The following PRDM6 variants were observed in gnomAD, a reference collection of about 807,000 sequenced individuals.
The protein encoded by PRDM6 is putative histone-lysine N-methyltransferase PRDM6.
PRDM6 carries 25 observed loss-of-function variants against 60.8 expected under a neutral mutation model. The observed-to-expected ratio is 0.41, with a 90% CI of 0.30 to 0.57. The LOEUF is 0.57. PRDM6 is among the 20% of genes least tolerant of loss of function. PRDM6 has a pLI of 0.27. For missense variants in PRDM6, 839 were observed against 821.3 expected (o/e 1.02, Z -0.26); for synonymous variants, 407 against 357.4 (o/e 1.14, Z -1.57).
At chr5:123,159,352 AC>A in intron 4 of PRDM6, among the ~76,000 whole-genome samples, 161 bp from the exon 5 acceptor site, 1 of 152,250 alleles carries the variant, frequency 6.6e-6, no homozygotes, top group African/African-American at 2.4e-5. Context: ...TGAGTTACAG[AC>A]TCTAATTGGT....
intron 2 of PRDM6, among the ~76,000 whole-genome samples, chr5:123,096,650 T>C (rs1445605930): frequency 6.6e-6 from 1 of 152,228 alleles, no homozygotes; most frequent in African/African-American, 2.4e-5. Context: ...GTTGATTGAC[T>C]TTGTCTAGCC....
chr5:123,090,226 C>G lies in PRDM6; in HGVS notation c.212C>G (p.Pro71Arg), dbSNP rs1488920051. 18 of 1,474,236 alleles carry G rather than the reference C, an allele frequency of 1.2e-5. No individual in the cohort carries two copies. The East Asian group carries it at 5.5e-4, about 45-fold the overall frequency. 91.3% of individuals were successfully genotyped at this position (1,474,236 alleles called of 1,614,324 possible). ...RAEPPPDSLR[P>R]RPASLSSASS... Reference sequence around the variant, plus strand: ...GAGCCTCCGCCGGACAGCCTGCGCCCGCGGCCCGCCTCTCTCTCCTCCGCC... The same window carrying G: ...GAGCCTCCGCCGGACAGCCTGCGCCGGCGGCCCGCCTCTCTCTCCTCCGCC... Residue 71 changes from proline to arginine, a missense_variant, in exon 2 of 8, where the codon CCG becomes CGG. Coordinates refer to ENST00000407847, the MANE Select transcript of PRDM6 (RefSeq NM_001136239.4).
At chr5:123,134,399 A>G (rs1764904507) in intron 3 of PRDM6, among the ~76,000 whole-genome samples, 1 of 152,144 alleles carries the variant, frequency 6.6e-6, no homozygotes, top group African/African-American at 2.4e-5. Flanking sequence ...AAAACTGAGT[A>G]AAAACTGTAT....
intron 6 of PRDM6, among the ~76,000 whole-genome samples, chr5:123,177,053 C>T (rs1214371631): frequency 6.6e-6 from 1 of 152,302 alleles, no homozygotes; most frequent in South Asian, 2.1e-4. Flanking sequence ...AGTCTTAACT[C>T]CTGTGGCCAG....
Position 123,090,624 on chromosome 5 carries a change from G to C in PRDM6, c.592+18G>C. ...CAACAACCGTACGTAGCCGCAGCCC[G>C]CGCGCTCTCTCCCGGGGCGCCGGCG... On this transcript the variant is annotated intron_variant, in intron 2 of 7. Coordinates refer to ENST00000407847, the MANE Select transcript of PRDM6 (RefSeq NM_001136239.4). The C allele has an allele frequency of 6.8e-7, 1 of 1,469,250 alleles. No homozygotes were observed. The highest frequency in any genetic ancestry group is 9.0e-7 in the Non-Finnish European group (1 of 1,108,718). 91.0% of individuals were successfully genotyped at this position (1,469,250 alleles called of 1,614,324 possible). A position where few individuals can be genotyped will look rare whatever the true frequency, so the allele number is the denominator to read the frequency against.
chr5:123,125,269 T>TA (rs1764670651), intron 3 of PRDM6, among the ~76,000 whole-genome samples: 1 of 152,106 alleles, frequency 6.6e-6, no homozygotes, highest in African/African-American at 2.4e-5. Context: ...GCTGGGCTTA[T>TA]AGTACATTTT....
At chr5:123,178,483 A>G (rs968026397) in intron 6 of PRDM6, among the ~76,000 whole-genome samples, 1 of 152,238 alleles carries the variant, frequency 6.6e-6, no homozygotes, top group Non-Finnish European at 1.5e-5. Context: ...TCATCTACAT[A>G]TAATTTTAAT....
intron 3 of PRDM6, among the ~76,000 whole-genome samples, chr5:123,120,673 T>G (rs1328872278): frequency 3.3e-5 from 5 of 152,228 alleles, no homozygotes; most frequent in African/African-American, 1.2e-4. Flanking sequence ...GAATAGACTT[T>G]TAACTTTAAA....
chr5:123,133,204 C>T (rs921978685), intron 3 of PRDM6, among the ~76,000 whole-genome samples: 14 of 152,090 alleles, frequency 9.2e-5, no homozygotes, highest in African/African-American at 2.7e-4. Flanking sequence ...TCATAATCTC[C>T]TTTTCCATTT....
At chr5:123,159,707 T>A in intron 5 of PRDM6, 69 bp downstream of exon 5, 1 of 1,450,704 alleles carries the variant, frequency 6.9e-7, no homozygotes, top group Admixed American at 2.1e-5. Context: ...TTTTAAGAGC[T>A]TTTTTTGAAA....
chr5:123,139,361 T>C (rs1265540333), intron 3 of PRDM6, among the ~76,000 whole-genome samples: 1 of 152,196 alleles, frequency 6.6e-6, no homozygotes, highest in Non-Finnish European at 1.5e-5. Flanking sequence ...AAGTATACTA[T>C]AGAATCTCTT....
rs1462680134 is a variant in PRDM6, at chr5:123,189,647, G to A, written c.*2446G>A. On this transcript the variant is annotated 3_prime_UTR_variant, in exon 8 of 8. Coordinates refer to ENST00000407847, the MANE Select transcript of PRDM6 (RefSeq NM_001136239.4). The stretch of plus-strand genomic sequence containing the variant: ...CCTCTATTATTAAGAGAAATTGTTG[G>A]CATATATATTCCACCAAATTTGGTC... 1 of 152,104 alleles carries A rather than the reference G, an allele frequency of 6.6e-6. No individual in the cohort carries two copies. The highest frequency in any genetic ancestry group is 6.5e-5 in the Admixed American group (1 of 15,270). The allele number at this position is 152,104 out of a possible 1,614,324, so 9.4% of individuals were successfully genotyped here.
chr5:123,099,545 A>T lies in PRDM6; in HGVS notation c.593-109A>T. On this transcript the variant is annotated intron_variant, in intron 2 of 7. Transcript: ENST00000407847. The surrounding 1 kb of genome is among the most constrained non-coding windows in gnomAD (Gnocchi z 4.0). The stretch of plus-strand genomic sequence containing the variant: ...GCATCACCTTCCTCGAAGGTGGCTT[A>T]CCCAGGCGGGCGGTGATGCTGTTGT... 9.6e-7 allele frequency: 1 copy of T among 1,045,910 alleles called. No individual in the cohort carries two copies. The highest frequency in any genetic ancestry group is 1.3e-6 in the Non-Finnish European group (1 of 758,252). 64.8% of individuals were successfully genotyped at this position (1,045,910 alleles called of 1,614,324 possible).
chr5:123,124,032 A>G (rs1438710897), intron 3 of PRDM6, among the ~76,000 whole-genome samples: 1 of 152,204 alleles, frequency 6.6e-6, no homozygotes, highest in Admixed American at 6.5e-5. Context: ...CAGGGAAGAC[A>G]GGGTTCCTGC....
intron 3 of PRDM6, among the ~76,000 whole-genome samples, chr5:123,131,270 T>C (rs1246444990): frequency 6.6e-6 from 1 of 152,118 alleles, no homozygotes; most frequent in Non-Finnish European, 1.5e-5. Flanking sequence ...ACTAGCACAA[T>C]AGGGCAGCCA....
At chr5:123,134,444 A>G (rs996842675) in intron 3 of PRDM6, among the ~76,000 whole-genome samples, 5 of 152,140 alleles carry the variant, frequency 3.3e-5, no homozygotes, top group Non-Finnish European at 7.4e-5. Context: ...TATTTTAATG[A>G]AAGGAATTGG....
intron 5 of PRDM6, among the ~76,000 whole-genome samples, chr5:123,165,148 A>G (rs1765725115): frequency 6.6e-6 from 1 of 152,088 alleles, no homozygotes; most frequent in African/African-American, 2.4e-5. Flanking sequence ...TTCCATTTTC[A>G]ATCCAGACCT....
chr5:123,123,526 G>T (rs1299245659), intron 3 of PRDM6, among the ~76,000 whole-genome samples: 1 of 152,150 alleles, frequency 6.6e-6, no homozygotes, highest in Non-Finnish European at 1.5e-5. Flanking sequence ...TCATTGGTAG[G>T]CTTTAAAATA....
At chr5:123,151,261 C>T (rs1765362577) in intron 3 of PRDM6, among the ~76,000 whole-genome samples, 2 of 152,142 alleles carry the variant, frequency 1.3e-5, no homozygotes, top group African/African-American at 2.4e-5. Flanking sequence ...TGAAATGTCT[C>T]CTCACTCCCT....
Sources: allele counts gnomAD v4.1 joint callset (sites outside exome capture counted in the v4.1 genomes callset), GRCh38; gene constraint gnomAD v4.1.1; non-coding constraint Gnocchi (gnomAD v3.1); transcripts MANE v1.5; gene names NCBI Gene and HGNC (gene_info 2026-07-23, HGNC 2026-07-21).